NRG3: variants seen among roughly 807,000 people sequenced by gnomAD.
The protein encoded by NRG3 is neuregulin 3.
Under a neutral mutation model 66.9 loss-of-function variants are expected in NRG3, and 31 were observed. That is an observed-to-expected ratio of 0.46 (90% CI 0.35 to 0.63). The LOEUF is 0.63. Ranked by LOEUF, NRG3 falls within the 20% of genes least tolerant of loss-of-function variation. The pLI is 0.00. For missense variants in NRG3, 910 were observed against 878.9 expected (o/e 1.04, Z -0.45); for synonymous variants, 393 against 359.4 (o/e 1.09, Z -1.06).
intron 1 of NRG3, among the ~76,000 whole-genome samples, chr10:81,881,670 G>A (rs1250729257): frequency 6.6e-6 from 1 of 152,184 alleles, no homozygotes; most frequent in Non-Finnish European, 1.5e-5. Flanking sequence ...GTTTGTAAAA[G>A]TAATGGTTCA....
At chr10:82,479,871 G>A (rs10748995) in intron 2 of NRG3, among the ~76,000 whole-genome samples, 94,519 of 151,914 alleles carry the variant, frequency 0.62, 31,720 homozygotes, top group South Asian at 0.79. Context: ...GGAAGGCTGA[G>A]GCAGGAGAAT....
chr10:82,581,565 G>T (rs1414525179), intron 2 of NRG3, among the ~76,000 whole-genome samples: 2 of 152,062 alleles, frequency 1.3e-5, no homozygotes, highest in African/African-American at 2.4e-5. Flanking sequence ...TAGAATATGT[G>T]TGGGGATGAG....
chr10:82,767,016 T>C (rs2059540392), intron 3 of NRG3, among the ~76,000 whole-genome samples: 1 of 149,352 alleles, frequency 6.7e-6, no homozygotes, highest in Non-Finnish European at 1.5e-5. Context: ...ATGATATATA[T>C]AAATCCTTAT....
At chr10:81,903,826 T>C (rs1844311162) in intron 1 of NRG3, among the ~76,000 whole-genome samples, 1 of 152,142 alleles carries the variant, frequency 6.6e-6, no homozygotes, top group Non-Finnish European at 1.5e-5. Flanking sequence ...GGAAACCTAA[T>C]TATTCAGAGA....
In NRG3 at chr10:81,930,422, A is replaced by AGCT. The variant is rs1847229392; in HGVS notation, c.823+54260_823+54261insCTG. On this transcript the variant is annotated intron_variant, in intron 1 of 8. Coordinates refer to ENST00000372141, the MANE Select transcript of NRG3 (RefSeq NM_001010848.4). ...ATACAACTCAGGAGCAGCTGAATGA[A>AGCT]GAGACACACAGGGCAGTTTCTGAGA... Among the ~76,000 whole-genome samples the AGCT allele has an allele frequency of 2.0e-5, 3 of 152,132 alleles. No homozygotes were observed. In the South Asian group the frequency reaches 6.2e-4, roughly 31 times the overall value.
intron 2 of NRG3, among the ~76,000 whole-genome samples, chr10:82,491,281 C>CT (rs1189163514): frequency 4.3e-5 from 2 of 46,010 alleles, no homozygotes; most frequent in Non-Finnish European, 1.4e-4. Context: ...TCTGCCTATG[C>CT]TGTTCCCATA....
intron 2 of NRG3, among the ~76,000 whole-genome samples, chr10:82,407,559 GA>G (rs2087615546): frequency 6.6e-6 from 1 of 152,138 alleles, no homozygotes; most frequent in South Asian, 2.1e-4. Context: ...AGAGAATAAA[GA>G]CACACAAAAT....
chr10:82,009,632 C>T (rs1245982710), intron 1 of NRG3, among the ~76,000 whole-genome samples: 1 of 152,096 alleles, frequency 6.6e-6, no homozygotes, highest in Non-Finnish European at 1.5e-5. Flanking sequence ...TGCAGTGGTG[C>T]ACAAAAACAA....
At chr10:82,336,351 A>T (rs1187319204) in intron 1 of NRG3, among the ~76,000 whole-genome samples, 2 of 152,168 alleles carry the variant, frequency 1.3e-5, no homozygotes, top group Non-Finnish European at 2.9e-5. Flanking sequence ...AAACAGCTTC[A>T]GACAACACAA....
intron 4 of NRG3, among the ~76,000 whole-genome samples, chr10:82,869,739 C>T (rs1841129550): frequency 6.6e-6 from 1 of 151,922 alleles, no homozygotes; most frequent in Non-Finnish European, 1.5e-5. Context: ...TCCCGAGTAG[C>T]TGGGACTACA....
At chr10:82,186,395 A>G (rs2133290106) in intron 1 of NRG3, among the ~76,000 whole-genome samples, 1 of 152,266 alleles carries the variant, frequency 6.6e-6, no homozygotes, top group Admixed American at 6.5e-5. Flanking sequence ...ATGGGAACTC[A>G]GCAGCCATGA....
intron 6 of NRG3, among the ~76,000 whole-genome samples, chr10:82,959,907 A>G (rs1827997207): frequency 6.6e-6 from 1 of 152,246 alleles, no homozygotes. Context: ...ATACATGCAG[A>G]TATATTCCTC....
chr10:82,942,014 T>TGTGC (rs1033462365), intron 4 of NRG3, among the ~76,000 whole-genome samples: 8 of 152,052 alleles, frequency 5.3e-5, no homozygotes, highest in African/African-American at 1.9e-4. Context: ...TGTGTGTGTG[T>TGTGC]GTGTGTGTGT....
intron 2 of NRG3, among the ~76,000 whole-genome samples, chr10:82,659,509 G>A (rs374400541): frequency 3.3e-5 from 5 of 152,166 alleles, no homozygotes; most frequent in African/African-American, 1.2e-4. Context: ...TGGGCATAGT[G>A]GGGTGGTTGC....
intron 3 of NRG3, among the ~76,000 whole-genome samples, chr10:82,831,229 C>T (rs2062503291): frequency 6.6e-6 from 1 of 152,116 alleles, no homozygotes; most frequent in East Asian, 1.9e-4. Context: ...CTACACAGGT[C>T]TCCCTCAGCA....
chr10:82,842,190 G>A (rs1444937586), intron 3 of NRG3, among the ~76,000 whole-genome samples: 2 of 152,258 alleles, frequency 1.3e-5, no homozygotes, highest in East Asian at 1.9e-4. Flanking sequence ...CACAGATGTT[G>A]CAGTGGGCTG....
intron 4 of NRG3, among the ~76,000 whole-genome samples, chr10:82,905,244 A>G (rs1844614431): frequency 6.6e-6 from 1 of 152,200 alleles, no homozygotes; most frequent in Admixed American, 6.5e-5. Flanking sequence ...CATGGTTCAC[A>G]CTGGCCTTGT....
At chr10:82,770,366 CCT>C (rs1373801382) in intron 3 of NRG3, among the ~76,000 whole-genome samples, 2 of 152,070 alleles carry the variant, frequency 1.3e-5, no homozygotes, top group African/African-American at 4.8e-5. Flanking sequence ...GGTGAAGACC[CCT>C]CTTTCCAAAA....
chr10:82,823,634 A>G (rs1441491651), intron 3 of NRG3, among the ~76,000 whole-genome samples: 2 of 152,066 alleles, frequency 1.3e-5, no homozygotes, highest in Non-Finnish European at 2.9e-5. Flanking sequence ...ACAGCTGTAT[A>G]TCTCTTCCAG....
Sources: allele counts gnomAD v4.1 joint callset (sites outside exome capture counted in the v4.1 genomes callset), GRCh38; gene constraint gnomAD v4.1.1; transcripts MANE v1.5; gene names NCBI Gene and HGNC (gene_info 2026-07-23, HGNC 2026-07-21).